Variants in SEZ6L observed in about 807,000 individuals in gnomAD.
The protein encoded by SEZ6L is seizure related 6 homolog like, also known as seizure 6-like protein.
Under a neutral mutation model 106.2 loss-of-function variants are expected in SEZ6L, and 37 were observed. That is an observed-to-expected ratio of 0.35 (90% CI 0.27 to 0.46). The LOEUF (loss-of-function observed/expected upper bound fraction) is 0.46, where lower values mean the gene tolerates loss of function less well. Ranked by LOEUF, SEZ6L falls within the 20% of genes least tolerant of loss-of-function variation. SEZ6L has a pLI of 1.00. For missense variants in SEZ6L, 1,172 were observed against 1,332.8 expected (o/e 0.88, Z 1.88); for synonymous variants, 541 against 570.4 (o/e 0.95, Z 0.73).
intron 1 of SEZ6L, among the ~76,000 whole-genome samples, chr22:26,174,766 T>A (rs1183808418): frequency 1.3e-5 from 2 of 151,884 alleles, no homozygotes; most frequent in African/African-American, 4.8e-5. Flanking sequence ...GTATGGTGAG[T>A]TGGGAGGAGG....
intron 1 of SEZ6L, among the ~76,000 whole-genome samples, chr22:26,213,712 T>G (rs2078223818): frequency 6.6e-6 from 1 of 152,202 alleles, no homozygotes; most frequent in South Asian, 2.1e-4. Context: ...GAAGATGGCT[T>G]GAGACCAGGA....
intron 15 of SEZ6L, 71 bp from the exon 16 acceptor site, chr22:26,377,602 G>A: frequency 7.8e-7 from 1 of 1,279,880 alleles, no homozygotes; most frequent in South Asian, 1.2e-5. Context: ...GGCACCAACT[G>A]TTCCCGTTCA....
chr22:26,300,358 T>C (rs2081416367), intron 5 of SEZ6L, among the ~76,000 whole-genome samples: 1 of 151,516 alleles, frequency 6.6e-6, no homozygotes, highest in Non-Finnish European at 1.5e-5. Context: ...CCTGTGTCCA[T>C]GTGTTCTCAT....
In SEZ6L at chr22:26,169,660, T is replaced by C; in HGVS notation, c.-10T>C. 8.2e-7 allele frequency: 1 copy of C among 1,221,360 alleles called. No homozygotes were observed. The highest frequency in any genetic ancestry group is 1.1e-6 in the Non-Finnish European group (1 of 940,314). The allele number at this position is 1,221,360 out of a possible 1,614,324, so 75.7% of individuals were successfully genotyped here. A position where few individuals can be genotyped will look rare whatever the true frequency, so the allele number is the denominator to read the frequency against. On this transcript the variant is annotated 5_prime_UTR_variant, in exon 1 of 17. Coordinates refer to ENST00000248933, the MANE Select transcript of SEZ6L (RefSeq NM_021115.5). The stretch of plus-strand genomic sequence containing the variant: ...CCACAGCCAGCGGCTCCGCGCCCCC[T>C]GCAGCCACGATGCCCGCGGCCCGGC...
At chr22:26,315,545 C>T (rs2081972220) in intron 9 of SEZ6L, among the ~76,000 whole-genome samples, 1 of 152,138 alleles carries the variant, frequency 6.6e-6, no homozygotes, top group Non-Finnish European at 1.5e-5. Context: ...CAGAGACTTA[C>T]ACAGCTTGAA....
Position 26,367,652 on chromosome 22 carries a change from C to T in SEZ6L, c.2794+2086C>T, listed in dbSNP as rs1345884887. On this transcript the variant is annotated intron_variant, in intron 13 of 16. Transcript: ENST00000248933. ...GACCTCTGCCTGCTTTTGACCCCTGCTTAGAGAACCCTGCTTAATTATTTC... is the reference window on the plus strand; with the variant it reads ...GACCTCTGCCTGCTTTTGACCCCTGTTTAGAGAACCCTGCTTAATTATTTC... Among the ~76,000 whole-genome samples the T allele has an allele frequency of 4.6e-5, 7 of 152,180 alleles. No homozygotes were observed. The South Asian group carries it at 1.2e-3, about 27-fold the overall frequency.
chr22:26,243,570 G>A (rs2145775866), intron 1 of SEZ6L, among the ~76,000 whole-genome samples: 1 of 152,340 alleles, frequency 6.6e-6, no homozygotes, highest in Non-Finnish European at 1.5e-5. Context: ...TGGAGATGGA[G>A]CAGAACAATC....
intron 1 of SEZ6L, among the ~76,000 whole-genome samples, chr22:26,286,244 G>T (rs1432958392): frequency 1.3e-5 from 2 of 152,176 alleles, no homozygotes; most frequent in Non-Finnish European, 2.9e-5. Context: ...TTCCAAAGAG[G>T]CTCAATGATT....
intron 1 of SEZ6L, among the ~76,000 whole-genome samples, chr22:26,269,483 A>C (rs533467352): frequency 6.6e-6 from 1 of 151,942 alleles, no homozygotes; most frequent in East Asian, 1.9e-4. Context: ...TTGGAACCCT[A>C]ACCTCGTTGT....
At chr22:26,249,580 A>T (rs1396796804) in intron 1 of SEZ6L, among the ~76,000 whole-genome samples, 1 of 152,038 alleles carries the variant, frequency 6.6e-6, no homozygotes, top group African/African-American at 2.4e-5. Flanking sequence ...CCATTCATCC[A>T]TTATGGACTT....
chr22:26,213,969 C>T (rs200410879), intron 1 of SEZ6L, among the ~76,000 whole-genome samples: 1 of 152,186 alleles, frequency 6.6e-6, no homozygotes, highest in East Asian at 1.9e-4. Context: ...ATGGATTGGG[C>T]CCACAGGACA....
At chr22:26,240,067 GACACACACACACACACACACACACTC>G (rs1386989382) in intron 1 of SEZ6L, among the ~76,000 whole-genome samples, 1 of 135,912 alleles carries the variant, frequency 7.4e-6, no homozygotes, top group Non-Finnish European at 1.5e-5. Context: ...CACACATACA[GACACACACACACACACACACACACTC>G]ACACACACAC....
intron 1 of SEZ6L, among the ~76,000 whole-genome samples, chr22:26,235,098 T>C (rs1465150731): frequency 6.6e-6 from 1 of 152,212 alleles, no homozygotes; most frequent in Non-Finnish European, 1.5e-5. Context: ...TCCCCTACAG[T>C]AGTGAAAACA....
chr22:26,220,027 G>A (rs1337191515), intron 1 of SEZ6L, among the ~76,000 whole-genome samples: 1 of 152,126 alleles, frequency 6.6e-6, no homozygotes, highest in Non-Finnish European at 1.5e-5. Context: ...TTCTGGGGTG[G>A]GGATGCCAGT....
At chr22:26,309,873 C>T (rs6005000) in intron 6 of SEZ6L, among the ~76,000 whole-genome samples, 1,801 of 152,184 alleles carry the variant, frequency 0.012, 25 homozygotes, top group African/African-American at 0.041. Flanking sequence ...GCCACCATGC[C>T]CCACACTCTG....
chr22:26,230,941 A>G (rs1027793381), intron 1 of SEZ6L, among the ~76,000 whole-genome samples: 1 of 152,210 alleles, frequency 6.6e-6, no homozygotes, highest in African/African-American at 2.4e-5. Context: ...AAGGCTTTCC[A>G]GGCCAGCATG....
chr22:26,366,822 AT>A (rs528292169), intron 13 of SEZ6L, among the ~76,000 whole-genome samples: 1 of 151,990 alleles, frequency 6.6e-6, no homozygotes, highest in Non-Finnish European at 1.5e-5. Context: ...TTATTACTAA[AT>A]TTTTTTGTAG....
intron 9 of SEZ6L, among the ~76,000 whole-genome samples, chr22:26,318,176 C>T (rs548394163): frequency 1.4e-4 from 22 of 152,006 alleles, no homozygotes; most frequent in African/African-American, 2.2e-4. Flanking sequence ...TGGGTTCAAG[C>T]GATTCTCCTG....
intron 15 of SEZ6L, 87 bp from the exon 16 acceptor site, chr22:26,377,586 G>T: frequency 9.4e-7 from 1 of 1,069,168 alleles, no homozygotes; most frequent in Non-Finnish European, 1.4e-6. Flanking sequence ...CCGCTGCTCA[G>T]GAAGTGGCAC....
Sources: gnomAD v4.1 joint callset for allele counts (sites outside exome capture counted in the v4.1 genomes callset) on GRCh38, gnomAD v4.1.1 for gene constraint, MANE v1.5 for transcripts, NCBI Gene and HGNC (gene_info 2026-07-23, HGNC 2026-07-21) for gene names.